The following ANXA3 variants were observed in gnomAD, a reference collection of about 807,000 sequenced individuals.
ANXA3 encodes annexin A3.
Under a neutral mutation model 48.8 loss-of-function variants are expected in ANXA3, and 46 were observed. That is an observed-to-expected ratio of 0.94 (90% CI 0.74 to 1.21). The LOEUF (loss-of-function observed/expected upper bound fraction) is 1.21, where lower values mean the gene tolerates loss of function less well. ANXA3 is among the 50% of genes most tolerant of loss of function. ANXA3 has a pLI of 0.00. For missense variants in ANXA3, 383 were observed against 378.6 expected, an observed-to-expected ratio of 1.01 and a Z score of -0.10; for synonymous variants, 128 against 134.7, an observed-to-expected ratio of 0.95 and a Z score of 0.35.
intron 3 of ANXA3, among the ~76,000 whole-genome samples, chr4:78,576,076 C>T (rs1722946041): frequency 6.6e-6 from 1 of 152,140 alleles, no homozygotes; most frequent in African/African-American, 2.4e-5. Context: ...GCCCTCCCAA[C>T]ACCACATTGT....
chr4:78,579,059 A>AC lies in ANXA3; in HGVS notation c.137dup (p.Glu47Ter). On this transcript the variant is annotated frameshift_variant, in exon 4 of 13. Transcript: ENST00000264908. LOFTEE classifies it high-confidence loss of function. ...TGAGAAAATGCTCATCAGCATTCTGACTGAGAGGTCAAATGCACAGCGGCA... is the reference window on the plus strand; with the variant it reads ...TGAGAAAATGCTCATCAGCATTCTGACCTGAGAGGTCAAATGCACAGCGGCA... 6.2e-7 allele frequency: 1 copy of AC among 1,612,704 alleles called. No homozygotes were observed. Among genetic ancestry groups the AC allele is most frequent in the Non-Finnish European group, 8.5e-7 (1 of 1,178,844 alleles).
At chr4:78,563,531 T>A (rs5015973) in intron 2 of ANXA3, among the ~76,000 whole-genome samples, 110,711 of 151,500 alleles carry the variant, frequency 0.73, 41,268 homozygotes, top group East Asian at 0.88. Flanking sequence ...TGGTCACGTC[T>A]TCTGCCATGT....
intron 2 of ANXA3, among the ~76,000 whole-genome samples, chr4:78,557,171 G>T (rs1001290011): frequency 1.3e-5 from 2 of 152,192 alleles, no homozygotes; most frequent in Non-Finnish European, 2.9e-5. Flanking sequence ...AGCAGAAGCT[G>T]TCTTTGGCTC....
At chr4:78,555,247 A>T (rs1578388508) in intron 2 of ANXA3, among the ~76,000 whole-genome samples, 1 of 152,046 alleles carries the variant, frequency 6.6e-6, no homozygotes, top group Non-Finnish European at 1.5e-5. Flanking sequence ...GGATTGAAGA[A>T]TATTCTTGGA....
chr4:78,560,319 C>A lies in ANXA3; in HGVS notation c.15+5831C>A, dbSNP rs575848137. 3.9e-5 allele frequency among the ~76,000 whole-genome samples: 6 copies of A among 152,274 alleles called. No homozygotes were observed. The South Asian group carries it at 1.2e-3, about 32-fold the overall frequency. Reference sequence around the variant, plus strand: ...TGTCGGGAATCACCTGCACTTCTGGCCAACTGGCTATAAATTTAGGAGTTT... The same window carrying A: ...TGTCGGGAATCACCTGCACTTCTGGACAACTGGCTATAAATTTAGGAGTTT... On this transcript the variant is annotated intron_variant, in intron 2 of 12. Coordinates refer to ENST00000264908, the MANE Select transcript of ANXA3 (RefSeq NM_005139.3).
intron 11 of ANXA3, chr4:78,603,377 A>C (rs555238628): frequency 6.6e-6 from 1 of 152,098 alleles, no homozygotes; most frequent in Non-Finnish European, 1.5e-5. Context: ...ATTTTACACT[A>C]TCTCTCTTTT....
chr4:78,607,454 A>C (rs1249995273), intron 12 of ANXA3, among the ~76,000 whole-genome samples: 1 of 151,838 alleles, frequency 6.6e-6, no homozygotes, highest in African/African-American at 2.4e-5. Flanking sequence ...GGGAAGGAGA[A>C]GGCAAGGAAG....
intron 1 of ANXA3, among the ~76,000 whole-genome samples, chr4:78,553,394 G>T (rs1722441039): frequency 6.6e-6 from 1 of 152,024 alleles, no homozygotes; most frequent in Admixed American, 6.5e-5. Context: ...AGAATCTCCA[G>T]CCCTGTGAAA....
intron 12 of ANXA3, among the ~76,000 whole-genome samples, chr4:78,607,462 AAG>A (rs140491722): frequency 0.021 from 3,244 of 152,284 alleles, 102 homozygotes; most frequent in African/African-American, 0.074. Flanking sequence ...GAAGGCAAGG[AAG>A]AACAGAGGTG....
intron 2 of ANXA3, among the ~76,000 whole-genome samples, chr4:78,563,589 C>G (rs2109927308): frequency 6.6e-6 from 1 of 152,290 alleles, no homozygotes; most frequent in East Asian, 1.9e-4. Context: ...AGTGGACCTT[C>G]ACTAGACACT....
chr4:78,565,627 G>A (rs1722714261), intron 2 of ANXA3, among the ~76,000 whole-genome samples: 1 of 152,212 alleles, frequency 6.6e-6, no homozygotes, highest in African/African-American at 2.4e-5. Context: ...ACTGGAGCCA[G>A]ATTGCCTAGG....
intron 8 of ANXA3, 42 bp from the exon 9 acceptor site, chr4:78,595,752 A>G: frequency 1.5e-6 from 2 of 1,318,288 alleles, no homozygotes; most frequent in Non-Finnish European, 2.2e-6. Flanking sequence ...ACCTCTCAAA[A>G]AGAAAATAAT....
In ANXA3 at chr4:78,561,578, C is replaced by T. The variant is rs115704589; in HGVS notation, c.15+7090C>T. Among the ~76,000 whole-genome samples the T allele has an allele frequency of 6.1e-3, 929 of 152,156 alleles. 11 individuals carry two copies. The highest frequency in any genetic ancestry group is 0.021 in the African/African-American group (870 of 41,502). On this transcript the variant is annotated intron_variant, in intron 2 of 12. Coordinates refer to ENST00000264908, the MANE Select transcript of ANXA3 (RefSeq NM_005139.3). The stretch of plus-strand genomic sequence containing the variant: ...GATGTGATTGCTCTTCTTTGCTATG[C>T]AAATTTAAAACGTGTGAGGAGAAAG...
chr4:78,597,355 T>C lies in ANXA3; in HGVS notation c.671T>C (p.Ile224Thr). 6.2e-7 allele frequency: 1 copy of C among 1,611,174 alleles called. No homozygotes were observed. The highest frequency in any genetic ancestry group is 8.5e-7 in the Non-Finnish European group (1 of 1,179,018). The change falls in exon 10 of 13, where the codon ATT becomes ACT. Residue 224 changes from isoleucine (I) to threonine (T), a missense_variant. By Grantham distance (89) the Ile-to-Thr change is moderately conservative. Transcript: ENST00000264908. ...TACAGAAATATCAGCCAAAAGGACA[T>C]TGTGGACAGCATAAAAGGAGAATTA... ...DEYRNISQKDIVDSIKGELSG... is the reference protein window; with the variant it reads ...DEYRNISQKDTVDSIKGELSG...
chr4:78,603,499 C>T (rs902116189), intron 11 of ANXA3: 1 of 152,186 alleles, frequency 6.6e-6, no homozygotes, highest in African/African-American at 2.4e-5. Context: ...GGATGGCCAT[C>T]ATCATCTCTT....
At chr4:78,559,327 C>T (rs1722579654) in intron 2 of ANXA3, among the ~76,000 whole-genome samples, 1 of 152,174 alleles carries the variant, frequency 6.6e-6, no homozygotes, top group Non-Finnish European at 1.5e-5. Context: ...AGCTGATCCA[C>T]CCACATTGGC....
At chr4:78,591,283 T>C (rs118060889) in intron 6 of ANXA3, among the ~76,000 whole-genome samples, 2 of 152,318 alleles carry the variant, frequency 1.3e-5, no homozygotes, top group East Asian at 3.9e-4. Flanking sequence ...TTAGTGCCAT[T>C]GTCAGATGAA....
chr4:78,559,045 T>G (rs1183616461), intron 2 of ANXA3, among the ~76,000 whole-genome samples: 1 of 152,236 alleles, frequency 6.6e-6, no homozygotes, highest in Admixed American at 6.5e-5. Context: ...AACTCTCAAA[T>G]TAGAATTTTT....
intron 3 of ANXA3, among the ~76,000 whole-genome samples, chr4:78,575,646 C>G (rs1349511317): frequency 6.6e-6 from 1 of 152,162 alleles, no homozygotes; most frequent in East Asian, 1.9e-4. Context: ...ATAAATTGCC[C>G]AGGCTAGGGT....
Sources: allele counts gnomAD v4.1 joint callset (sites outside exome capture counted in the v4.1 genomes callset), GRCh38; gene constraint gnomAD v4.1.1; transcripts MANE v1.5; gene names NCBI Gene and HGNC (gene_info 2026-07-23, HGNC 2026-07-21).